Variants in RIMBP2 observed in about 807,000 individuals in gnomAD.
RIMBP2 encodes the protein RIMS binding protein 2.
In RIMBP2, 48 loss-of-function variants were observed where a neutral mutation model predicts 118.6. That is an observed-to-expected ratio of 0.40 (90% CI 0.32 to 0.51). The LOEUF is 0.51. RIMBP2 is among the 20% of genes least tolerant of loss of function. The pLI is 0.41. For synonymous variants in RIMBP2, 762 were observed against 742.9 expected, an observed-to-expected ratio of 1.03 and a Z score of -0.42; for missense variants, 1,551 against 1,768.3, an observed-to-expected ratio of 0.88 and a Z score of 2.20.
chr12:130,497,353 G>A (rs1487579942), intron 4 of RIMBP2, among the ~76,000 whole-genome samples: 2 of 152,174 alleles, frequency 1.3e-5, no homozygotes, highest in African/African-American at 4.8e-5. Flanking sequence ...CACAGCCTCT[G>A]GTGGGTCCAC....
intron 9 of RIMBP2, among the ~76,000 whole-genome samples, chr12:130,448,230 G>A (rs1327099239): frequency 1.3e-5 from 2 of 152,198 alleles, no homozygotes; most frequent in Non-Finnish European, 2.9e-5. Flanking sequence ...CACGGGAGAG[G>A]CAGATGTGCT....
intron 3 of RIMBP2, among the ~76,000 whole-genome samples, chr12:130,507,253 C>A (rs998580518): frequency 2.6e-5 from 4 of 152,186 alleles, no homozygotes; most frequent in African/African-American, 9.7e-5. Context: ...GAGAACAGAG[C>A]CAATGAGATA....
intron 4 of RIMBP2, among the ~76,000 whole-genome samples, chr12:130,501,956 C>G (rs1275361042): frequency 6.6e-6 from 1 of 152,254 alleles, no homozygotes; most frequent in Non-Finnish European, 1.5e-5. Context: ...CCCCTCAAAC[C>G]AGGCAGACTC....
At chr12:130,698,171 G>A (rs1430426297) in intron 1 of RIMBP2, among the ~76,000 whole-genome samples, 1 of 152,156 alleles carries the variant, frequency 6.6e-6, no homozygotes, top group Non-Finnish European at 1.5e-5. Context: ...AGACCCCAGA[G>A]ATAAAGACTT....
At chr12:130,613,426 C>A (rs373721841) in intron 2 of RIMBP2, among the ~76,000 whole-genome samples, 31 of 152,192 alleles carry the variant, frequency 2.0e-4, no homozygotes, top group African/African-American at 6.0e-4. Flanking sequence ...CCCAGCCCCC[C>A]ACCCCGCAGG....
At chr12:130,607,651 C>T (rs1643962137) in intron 2 of RIMBP2, among the ~76,000 whole-genome samples, 2 of 151,990 alleles carry the variant, frequency 1.3e-5, no homozygotes, top group African/African-American at 2.4e-5. Context: ...AGCCCGAGAG[C>T]GAGTCAGACA....
At chr12:130,457,643 G>GC (rs967156801) in intron 6 of RIMBP2, among the ~76,000 whole-genome samples, 1 of 152,164 alleles carries the variant, frequency 6.6e-6, no homozygotes, top group African/African-American at 2.4e-5. Flanking sequence ...TGTGCTGACC[G>GC]CCCCCCGGCA....
intron 1 of RIMBP2, among the ~76,000 whole-genome samples, chr12:130,673,874 C>A (rs571866282): frequency 6.6e-6 from 1 of 151,518 alleles, no homozygotes; most frequent in Admixed American, 6.6e-5. Flanking sequence ...TTTGGAAGGC[C>A]GAGGCAGGTG....
At chr12:130,674,243 C>T (rs1226631974) in intron 1 of RIMBP2, among the ~76,000 whole-genome samples, 3 of 152,210 alleles carry the variant, frequency 2.0e-5, no homozygotes, top group African/African-American at 4.8e-5. Context: ...GACATGCCTG[C>T]GTCCCCTTCG....
chr12:130,689,788 T>C (rs1326167468), intron 1 of RIMBP2, among the ~76,000 whole-genome samples: 1 of 152,172 alleles, frequency 6.6e-6, no homozygotes, highest in East Asian at 1.9e-4. Flanking sequence ...TTTCTATGCA[T>C]CGTACCAAAT....
intron 1 of RIMBP2, among the ~76,000 whole-genome samples, chr12:130,687,174 C>T (rs1426924139): frequency 6.6e-6 from 1 of 152,156 alleles, no homozygotes; most frequent in African/African-American, 2.4e-5. Flanking sequence ...GAGACCCATC[C>T]GCCAAAGCCA....
At chr12:130,575,604 T>C (rs1255131085) in intron 2 of RIMBP2, among the ~76,000 whole-genome samples, 1 of 152,218 alleles carries the variant, frequency 6.6e-6, no homozygotes, top group Non-Finnish European at 1.5e-5. Context: ...GGGATCCAAA[T>C]GTGCATGAAA....
At chr12:130,461,224 C>T (rs1401310610) in intron 6 of RIMBP2, among the ~76,000 whole-genome samples, 2 of 152,162 alleles carry the variant, frequency 1.3e-5, no homozygotes, top group African/African-American at 4.8e-5. Context: ...GCTGGCTCTG[C>T]CCAGCCCATT....
At chr12:130,486,153 G>A (rs1341733172) in intron 4 of RIMBP2, among the ~76,000 whole-genome samples, 1 of 152,046 alleles carries the variant, frequency 6.6e-6, no homozygotes, top group African/African-American at 2.4e-5. Context: ...CTGTCACTCG[G>A]CTGAGATTCT....
chr12:130,539,284 T>C (rs548123232), intron 2 of RIMBP2, among the ~76,000 whole-genome samples: 26 of 152,336 alleles, frequency 1.7e-4, no homozygotes, highest in Middle Eastern at 3.4e-3. Flanking sequence ...ATATACTATG[T>C]TTATATAATA....
chr12:130,681,718 T>C (rs2064795425), intron 1 of RIMBP2, among the ~76,000 whole-genome samples: 1 of 152,150 alleles, frequency 6.6e-6, no homozygotes, highest in African/African-American at 2.4e-5. Context: ...TTTTTTGAGA[T>C]GAGTCTCTCT....
At chr12:130,438,335 A>ACCGGGGGGGGCCCCCCCCCCC in intron 12 of RIMBP2, 30 bp downstream of exon 12, 2 of 865,014 alleles carry the variant, frequency 2.3e-6, no homozygotes, top group Non-Finnish European at 3.8e-6. Context: ...GGCCTAACAA[A>ACCGGGGGGGGCCCCCCCCCCC]CCCTCCCCAC....
chr12:130,412,322 G>T (rs1156691749), intron 19 of RIMBP2, among the ~76,000 whole-genome samples: 3 of 152,176 alleles, frequency 2.0e-5, no homozygotes, highest in African/African-American at 7.2e-5. Context: ...AGCTAATCAT[G>T]TGTTTTCTAG....
chr12:130,473,107 C>T (rs927548078), intron 5 of RIMBP2, among the ~76,000 whole-genome samples: 4 of 152,242 alleles, frequency 2.6e-5, no homozygotes, highest in Non-Finnish European at 1.5e-5. Flanking sequence ...TGTTAAAACT[C>T]AGCCAAGCTG....
Sources: gnomAD v4.1 joint callset for allele counts (sites outside exome capture counted in the v4.1 genomes callset) on GRCh38, gnomAD v4.1.1 for gene constraint, MANE v1.5 for transcripts, NCBI Gene and HGNC (gene_info 2026-07-23, HGNC 2026-07-21) for gene names.